The following CNTNAP2 variants were observed in gnomAD, a reference collection of about 807,000 sequenced individuals.
CNTNAP2 encodes the protein contactin-associated protein-like 2.
In CNTNAP2, 98 loss-of-function variants were observed where a neutral mutation model predicts 155.2. The observed-to-expected ratio is 0.63, with a 90% CI of 0.54 to 0.75. CNTNAP2 has a LOEUF of 0.75. Ranked by LOEUF, CNTNAP2 falls within the 30% of genes least tolerant of loss-of-function variation. The pLI is 0.00. For missense variants in CNTNAP2, 1,727 were observed against 1,688.1 expected, an observed-to-expected ratio of 1.02 and a Z score of -0.40; for synonymous variants, 651 against 631.2, an observed-to-expected ratio of 1.03 and a Z score of -0.47.
intron 2 of CNTNAP2, among the ~76,000 whole-genome samples, chr7:146,792,101 C>T (rs929316848): frequency 2.0e-5 from 3 of 152,102 alleles, no homozygotes; most frequent in African/African-American, 4.8e-5. Context: ...ATCTCACTGC[C>T]GTTTGGAATG....
At chr7:146,859,311 T>A (rs1427895036) in intron 3 of CNTNAP2, among the ~76,000 whole-genome samples, 2 of 152,180 alleles carry the variant, frequency 1.3e-5, no homozygotes, top group Non-Finnish European at 2.9e-5. Flanking sequence ...CATTAGCCCC[T>A]ATAGTTATTG....
chr7:146,797,279 T>C (rs539654838), intron 2 of CNTNAP2, among the ~76,000 whole-genome samples: 2 of 152,244 alleles, frequency 1.3e-5, no homozygotes, highest in East Asian at 3.9e-4. Context: ...AACAGACAAA[T>C]TGGCATGTGT....
chr7:146,302,721 A>G (rs1440780498), intron 1 of CNTNAP2, among the ~76,000 whole-genome samples: 1 of 152,146 alleles, frequency 6.6e-6, no homozygotes, highest in Non-Finnish European at 1.5e-5. Flanking sequence ...CAAACCATAC[A>G]ATTCCAGCCA....
At chr7:148,121,156 T>A (rs1804587327) in intron 16 of CNTNAP2, among the ~76,000 whole-genome samples, 1 of 152,128 alleles carries the variant, frequency 6.6e-6, no homozygotes, top group Admixed American at 6.5e-5. Flanking sequence ...TGCCTCAGCC[T>A]CCCGAGTAGC....
At chr7:148,041,051 A>G (rs1802666287) in intron 15 of CNTNAP2, among the ~76,000 whole-genome samples, 1 of 152,234 alleles carries the variant, frequency 6.6e-6, no homozygotes, top group African/African-American at 2.4e-5. Context: ...AAATAAACAA[A>G]GCTTCTGTGA....
chr7:147,768,737 CT>C (rs1797421432), intron 13 of CNTNAP2, among the ~76,000 whole-genome samples: 1 of 151,954 alleles, frequency 6.6e-6, no homozygotes, highest in Non-Finnish European at 1.5e-5. Flanking sequence ...TTAATGATAC[CT>C]TTTGAAGGTG....
intron 10 of CNTNAP2, among the ~76,000 whole-genome samples, chr7:147,423,660 A>G (rs1012161152): frequency 2.6e-5 from 4 of 152,178 alleles, no homozygotes; most frequent in South Asian, 2.1e-4. Context: ...CAATGAACCT[A>G]TCTCTGAAAT....
chr7:148,140,497 C>T (rs1390265034), intron 16 of CNTNAP2, among the ~76,000 whole-genome samples: 1 of 150,900 alleles, frequency 6.6e-6, no homozygotes, highest in Non-Finnish European at 1.5e-5. Flanking sequence ...CATCTCGGCT[C>T]ACCACAACCT....
At chr7:147,761,931 A>C (rs1049881440) in intron 13 of CNTNAP2, among the ~76,000 whole-genome samples, 2 of 152,158 alleles carry the variant, frequency 1.3e-5, no homozygotes, top group Admixed American at 6.6e-5. Context: ...TATGAAAAAA[A>C]ATACATGCAT....
chr7:146,417,902 AG>A lies in CNTNAP2; in HGVS notation c.97+300931del, dbSNP rs141298229. On this transcript the variant is annotated intron_variant, in intron 1 of 23. Coordinates refer to ENST00000361727, the MANE Select transcript of CNTNAP2 (RefSeq NM_014141.6). ...AACATATATATGTTGAGTGTGTATGAGGCACCAAATGCCACACTAGGCTGTC... is the reference window on the plus strand; with the variant it reads ...AACATATATATGTTGAGTGTGTATGAGCACCAAATGCCACACTAGGCTGTC... Among the ~76,000 whole-genome samples the A allele has an allele frequency of 2.2e-3, 332 of 151,766 alleles. 3 individuals carry two copies. The highest frequency in any genetic ancestry group is 7.7e-3 in the African/African-American group (318 of 41,234).
intron 1 of CNTNAP2, among the ~76,000 whole-genome samples, chr7:146,368,849 C>CATAT (rs34394597): frequency 0.042 from 6,146 of 146,216 alleles, 362 homozygotes; most frequent in African/African-American, 0.14. Flanking sequence ...AAATTATATA[C>CATAT]ATATATATAT....
chr7:147,819,229 T>C (rs1432312605), intron 13 of CNTNAP2, among the ~76,000 whole-genome samples: 1 of 152,210 alleles, frequency 6.6e-6, no homozygotes, highest in Non-Finnish European at 1.5e-5. Flanking sequence ...TAGATGGTTC[T>C]AGCTCTTGAA....
intron 1 of CNTNAP2, among the ~76,000 whole-genome samples, chr7:146,691,696 G>T (rs1354303145): frequency 1.3e-5 from 2 of 152,028 alleles, no homozygotes; most frequent in African/African-American, 4.8e-5. Flanking sequence ...TTTACTGAAT[G>T]TTAGAGCCAG....
intron 1 of CNTNAP2, among the ~76,000 whole-genome samples, chr7:146,344,796 ATTATC>A (rs1390514976): frequency 6.6e-6 from 1 of 152,184 alleles, no homozygotes; most frequent in Non-Finnish European, 1.5e-5. Context: ...TAACTAGAAT[ATTATC>A]TTCAGCCTGG....
intron 13 of CNTNAP2, among the ~76,000 whole-genome samples, chr7:147,736,897 A>G (rs1214301107): frequency 6.6e-6 from 1 of 152,082 alleles, no homozygotes; most frequent in African/African-American, 2.4e-5. Context: ...ACTTCTCTGC[A>G]TTGGTTATTC....
intron 13 of CNTNAP2, among the ~76,000 whole-genome samples, chr7:147,729,246 G>A (rs1042150942): frequency 1.3e-4 from 20 of 151,578 alleles, no homozygotes; most frequent in African/African-American, 4.1e-4. Flanking sequence ...GGAAGAATGC[G>A]TATTAAAGGA....
intron 18 of CNTNAP2, chr7:148,190,426 G>A (rs1795186787): frequency 1.3e-5 from 2 of 152,166 alleles, no homozygotes; most frequent in African/African-American, 2.4e-5. Context: ...AATAAGGACT[G>A]GAACAGAGAA....
chr7:147,840,742 AGAAAGGAAAG>A (rs1429718066), intron 13 of CNTNAP2, among the ~76,000 whole-genome samples: 4 of 152,326 alleles, frequency 2.6e-5, no homozygotes, highest in Non-Finnish European at 5.9e-5. Flanking sequence ...TCATGGGGAC[AGAAAGGAAAG>A]GAAAGGGAAG....
intron 14 of CNTNAP2, among the ~76,000 whole-genome samples, chr7:147,967,996 T>C (rs1451254201): frequency 2.0e-5 from 3 of 152,336 alleles, no homozygotes; most frequent in Middle Eastern, 3.4e-3. Flanking sequence ...TCTCCATTGA[T>C]AGTTAAGTAC....
Sources: gnomAD v4.1 joint callset for allele counts (sites outside exome capture counted in the v4.1 genomes callset) on GRCh38, gnomAD v4.1.1 for gene constraint, MANE v1.5 for transcripts, NCBI Gene and HGNC (gene_info 2026-07-23, HGNC 2026-07-21) for gene names.